The following TAFA2 variants were observed in gnomAD, a reference collection of about 807,000 sequenced individuals.
The protein encoded by TAFA2 is chemokine-like protein TAFA-2.
In TAFA2, 7 loss-of-function variants were observed where a neutral mutation model predicts 18.8. That is an observed-to-expected ratio of 0.37 (90% CI 0.21 to 0.70). The LOEUF (loss-of-function observed/expected upper bound fraction) is 0.70. Ranked by LOEUF, TAFA2 falls within the 30% of genes least tolerant of loss-of-function variation. The probability of loss-of-function intolerance (pLI) is 0.53; values close to 1 mark genes in which losing one functional copy is unlikely to be tolerated. For synonymous variants in TAFA2, 60 were observed against 54.2 expected (o/e 1.11, Z -0.47); for missense variants, 122 against 158.1 (o/e 0.77, Z 1.23).
chr12:61,749,100 T>C (rs1478347309), intron 4 of TAFA2, among the ~76,000 whole-genome samples: 1 of 136,784 alleles, frequency 7.3e-6, no homozygotes, highest in African/African-American at 3.1e-5. Flanking sequence ...ACCCCGTTGT[T>C]ACTAAAAATA....
intron 2 of TAFA2, among the ~76,000 whole-genome samples, chr12:61,758,030 T>C (rs557128894): frequency 9.9e-5 from 15 of 152,042 alleles, no homozygotes; most frequent in Non-Finnish European, 2.2e-4. Flanking sequence ...AACTGAGGAT[T>C]AAATGAGTCA....
At chr12:61,921,123 A>T (rs771883102) in intron 1 of TAFA2, among the ~76,000 whole-genome samples, 1 of 152,222 alleles carries the variant, frequency 6.6e-6, no homozygotes, top group Non-Finnish European at 1.5e-5. Context: ...ATTATGAGGA[A>T]TTGGCTTTGA....
At chr12:62,191,166 G>GT (rs2062621248) in intron 1 of TAFA2, 93 bp downstream of exon 1, 1 of 152,098 alleles carries the variant, frequency 6.6e-6, no homozygotes, top group African/African-American at 2.4e-5. Context: ...GAAGGGAGAC[G>GT]TGTGCACACG....
At chr12:61,718,971 T>G (rs1262478045) in intron 4 of TAFA2, among the ~76,000 whole-genome samples, 1 of 152,182 alleles carries the variant, frequency 6.6e-6, no homozygotes, top group African/African-American at 2.4e-5. Flanking sequence ...GAGCATTTTC[T>G]ATTAACTTCT....
chr12:62,000,131 T>C (rs572249606), intron 1 of TAFA2, among the ~76,000 whole-genome samples: 2 of 152,308 alleles, frequency 1.3e-5, no homozygotes, highest in South Asian at 4.1e-4. Flanking sequence ...AAACCAAATA[T>C]AGCAACTAAA....
At chr12:62,088,900 CTCTCTA>C (rs1407810802) in intron 1 of TAFA2, among the ~76,000 whole-genome samples, 3 of 150,062 alleles carry the variant, frequency 2.0e-5, no homozygotes, top group South Asian at 2.1e-4. Context: ...CTCTCTCTCT[CTCTCTA>C]TCTCTGTGTG....
chr12:62,107,683 A>AT (rs1175206814), intron 1 of TAFA2, among the ~76,000 whole-genome samples: 6 of 151,812 alleles, frequency 4.0e-5, no homozygotes, highest in Admixed American at 6.6e-5. Context: ...TTCTGTGTTC[A>AT]TTTTTTTTAG....
chr12:61,949,529 C>G (rs1878393581), intron 1 of TAFA2, among the ~76,000 whole-genome samples: 1 of 152,086 alleles, frequency 6.6e-6, no homozygotes, highest in African/African-American at 2.4e-5. Context: ...TGTCATACAG[C>G]CGGTCAAGTA....
intron 1 of TAFA2, among the ~76,000 whole-genome samples, chr12:62,115,736 T>G (rs768147511): frequency 6.6e-6 from 1 of 152,140 alleles, no homozygotes; most frequent in South Asian, 2.1e-4. Flanking sequence ...AGAAAGTGAA[T>G]CTGATTCGCA....
intron 1 of TAFA2, among the ~76,000 whole-genome samples, chr12:62,187,826 C>G (rs1419611440): frequency 6.6e-6 from 1 of 152,124 alleles, no homozygotes; most frequent in African/African-American, 2.4e-5. Flanking sequence ...TGCTCCGAAC[C>G]TAAAGTAAAA....
At chr12:61,907,297 T>A (rs1301579223) in intron 1 of TAFA2, among the ~76,000 whole-genome samples, 1 of 152,212 alleles carries the variant, frequency 6.6e-6, no homozygotes, top group South Asian at 2.1e-4. Context: ...CCTACTCTTC[T>A]ATGCAGCCTC....
chr12:62,021,474 C>CTTTTTTTTTTTTTTTTTTTTTTTTTTT, intron 1 of TAFA2: 1 of 418,754 alleles, frequency 2.4e-6, no homozygotes, highest in Non-Finnish European at 4.5e-6. Flanking sequence ...CTGCATCATT[C>CTTTTTTTTTTTTTTTTTTTTTTTTTTT]TTTTTTTTTT....
rs1237697222 is a variant in TAFA2 at position 62,154,942 on chromosome 12, C to T, written c.-2+36317G>A. ...TTCAACATAGTACTGGAAGTCCTAG[C>T]CAGAGCAATCAGACAAGAGAAAGAA... On this transcript the variant is annotated intron_variant, in intron 1 of 4. Coordinates refer to ENST00000416284, the MANE Select transcript of TAFA2 (RefSeq NM_178539.5). Among the ~76,000 whole-genome samples the T allele has an allele frequency of 2.6e-5, 4 of 152,252 alleles. No homozygotes were observed. The South Asian group carries it at 8.3e-4, about 32-fold the overall frequency.
rs1322533629 is a variant in TAFA2 at position 62,184,976 on chromosome 12, AT to A, written c.-2+6282del. On this transcript the variant is annotated intron_variant, in intron 1 of 4. Transcript: ENST00000416284. ...CACCACACTGGTTTTATAATAGTCAATTTCAAAATTTATCTGCTAACCCAAA... is the reference window on the plus strand; with the variant it reads ...CACCACACTGGTTTTATAATAGTCAATTCAAAATTTATCTGCTAACCCAAA... 1.1e-4 allele frequency among the ~76,000 whole-genome samples: 17 copies of A among 152,246 alleles called. No individual in the cohort carries two copies. The East Asian group carries it at 3.3e-3, about 29-fold the overall frequency.
intron 1 of TAFA2, among the ~76,000 whole-genome samples, chr12:62,205,009 A>G (rs1046079538): frequency 6.6e-6 from 1 of 152,048 alleles, no homozygotes; most frequent in African/African-American, 2.4e-5. Context: ...ATGGGTTTTT[A>G]TGGGGACATT....
intron 2 of TAFA2, among the ~76,000 whole-genome samples, chr12:61,769,591 G>A (rs1367594832): frequency 6.6e-6 from 1 of 151,980 alleles, no homozygotes; most frequent in Non-Finnish European, 1.5e-5. Context: ...CCCAGTACTT[G>A]CCTGGAGCCC....
intron 2 of TAFA2, among the ~76,000 whole-genome samples, chr12:61,832,199 A>G (rs1184814777): frequency 1.3e-5 from 2 of 152,162 alleles, no homozygotes; most frequent in Admixed American, 6.6e-5. Context: ...ATAAAGCCGC[A>G]GAATAGCACT....
At chr12:61,914,179 A>C (rs1876725635) in intron 1 of TAFA2, among the ~76,000 whole-genome samples, 1 of 152,296 alleles carries the variant, frequency 6.6e-6, no homozygotes, top group South Asian at 2.1e-4. Flanking sequence ...CATGGGTAGA[A>C]TTTCAGTCAG....
chr12:61,977,648 G>A (rs1401547389), intron 1 of TAFA2, among the ~76,000 whole-genome samples: 2 of 152,070 alleles, frequency 1.3e-5, no homozygotes, highest in African/African-American at 4.8e-5. Flanking sequence ...GACCAGCGAA[G>A]TAAAATTGCC....
Sources: allele counts gnomAD v4.1 joint callset (sites outside exome capture counted in the v4.1 genomes callset), GRCh38; gene constraint gnomAD v4.1.1; transcripts MANE v1.5; gene names NCBI Gene and HGNC (gene_info 2026-07-23, HGNC 2026-07-21).